The following MAP3K4 variants were observed in gnomAD, a reference collection of about 807,000 sequenced individuals.
MAP3K4 encodes mitogen-activated protein kinase kinase kinase 4, also known as MAP three kinase 1.
Under a neutral mutation model 185.6 loss-of-function variants are expected in MAP3K4, and 67 were observed. That is an observed-to-expected ratio of 0.36 (90% CI 0.30 to 0.44). MAP3K4 has a LOEUF of 0.44. Ranked by LOEUF, MAP3K4 falls within the 20% of genes least tolerant of loss-of-function variation. MAP3K4 has a pLI of 1.00. For missense variants in MAP3K4, 1,551 were observed against 1,995.1 expected (o/e 0.78, Z 4.24); for synonymous variants, 702 against 710.4 (o/e 0.99, Z 0.19).
Position 160,991,823 on chromosome 6 carries a change from G to T in MAP3K4, c.-109G>T, listed in dbSNP as rs922111073. 3 of 1,254,664 alleles carry T rather than the reference G, an allele frequency of 2.4e-6. No individual in the cohort carries two copies. Among genetic ancestry groups the T allele is most frequent in the Non-Finnish European group, 3.1e-6 (3 of 967,556 alleles). The allele number at this position is 1,254,664 out of a possible 1,614,324, so 77.7% of individuals were successfully genotyped here. On this transcript the variant is annotated 5_prime_UTR_variant, in exon 1 of 27. Transcript: ENST00000392142. The surrounding 1 kb of genome is among the most constrained non-coding windows in gnomAD (Gnocchi z 5.7). ...CGCGGCGCGCACGGCTCCTGCGGCG[G>T]GGTAGAGGCGGAGGCGGAGTCGAGT...
chr6:161,114,625 GT>G lies in MAP3K4; in HGVS notation c.4627-496del, dbSNP rs1194649325. The stretch of plus-strand genomic sequence containing the variant: ...GAAATTAGAATGCCATACACACTTA[GT>G]TCCTTCCCCTGTGAATCTCATTTTT... On this transcript the variant is annotated intron_variant, in intron 25 of 26. Coordinates refer to ENST00000392142, the MANE Select transcript of MAP3K4 (RefSeq NM_005922.4). The surrounding 1 kb of genome is among the most constrained non-coding windows in gnomAD (Gnocchi z 4.3). Among the ~76,000 whole-genome samples, 2 of 152,212 alleles carry G rather than the reference GT, an allele frequency of 1.3e-5. No homozygotes were observed. Among genetic ancestry groups the G allele is most frequent in the African/African-American group, 4.8e-5 (2 of 41,448 alleles).
At chr6:161,099,262 A>G (rs1777723147) in intron 17 of MAP3K4, among the ~76,000 whole-genome samples, 1 of 152,238 alleles carries the variant, frequency 6.6e-6, no homozygotes, top group African/African-American at 2.4e-5. Context: ...AGCCCCGAGG[A>G]GAAAATAGTA....
intron 1 of MAP3K4, among the ~76,000 whole-genome samples, chr6:161,015,495 C>A (rs561753767): frequency 3.9e-5 from 6 of 151,966 alleles, no homozygotes; most frequent in African/African-American, 1.5e-4. Flanking sequence ...ACCACCACCA[C>A]CAACAGAAGA....
rs1402766611 is a variant in MAP3K4, at chr6:161,097,214, G to C, written c.3524+38G>C. The C allele has an allele frequency of 1.3e-6, 2 of 1,554,168 alleles. No individual in the cohort carries two copies. The highest frequency in any genetic ancestry group is 1.7e-5 in the Admixed American group (1 of 59,798). Reference sequence around the variant, plus strand: ...TATCTAGTCATTTGCTTTACAGAGTGCCCTCCGATATGCATGCTCATACTT... The same window carrying C: ...TATCTAGTCATTTGCTTTACAGAGTCCCCTCCGATATGCATGCTCATACTT... On this transcript the variant is annotated intron_variant, in intron 16 of 26. Transcript: ENST00000392142. The surrounding 1 kb of genome is among the most constrained non-coding windows in gnomAD (Gnocchi z 4.9).
In MAP3K4 at chr6:161,101,019, G is replaced by GTA. The variant is rs1777818483; in HGVS notation, c.3675-870_3675-869dup. 1 of 152,040 alleles carries GTA rather than the reference G, an allele frequency of 6.6e-6. No homozygotes were observed. Among genetic ancestry groups the GTA allele is most frequent in the African/African-American group, 2.4e-5 (1 of 41,386 alleles). The allele number at this position is 152,040 out of a possible 1,614,324, so 9.4% of individuals were successfully genotyped here. Reference sequence around the variant, plus strand: ...ATCATGTTGCCTTCAACCTATCAATGTATAATAAGAGCATAAATGCTACCA... The same window carrying GTA: ...ATCATGTTGCCTTCAACCTATCAATGTATATAATAAGAGCATAAATGCTACCA... On this transcript the variant is annotated intron_variant, in intron 17 of 26. Coordinates refer to ENST00000392142, the MANE Select transcript of MAP3K4 (RefSeq NM_005922.4). This position sits in a 1 kb window ranked among gnomAD's most constrained non-coding sequence, Gnocchi z 5.1.
chr6:161,004,383 TACA>T (rs1156435326), intron 1 of MAP3K4, among the ~76,000 whole-genome samples: 29 of 152,218 alleles, frequency 1.9e-4, no homozygotes, highest in Admixed American at 7.2e-4. Flanking sequence ...CTGAAATATT[TACA>T]ACATTTTACC....
Position 161,088,400 on chromosome 6 carries a change from C to A in MAP3K4, c.2823+446C>A. Among the ~76,000 whole-genome samples the A allele has an allele frequency of 6.6e-6, 1 of 152,144 alleles. No homozygotes were observed. Among genetic ancestry groups the A allele is most frequent in the Non-Finnish European group, 1.5e-5 (1 of 68,034 alleles). The stretch of plus-strand genomic sequence containing the variant: ...GTTTCTATAACTCATTAGTTATAAA[C>A]TATGAGAAGCTTTCTCATTTATCTG... On this transcript the variant is annotated intron_variant, in intron 10 of 26. Coordinates refer to ENST00000392142, the MANE Select transcript of MAP3K4 (RefSeq NM_005922.4). This position sits in a 1 kb window ranked among gnomAD's most constrained non-coding sequence, Gnocchi z 4.5.
rs1340346021 is a variant in MAP3K4, at chr6:161,022,982, T to C, written c.153-11277T>C. ...CAAATTACAGAGCTGATTGAAAACA[T>C]AAACAAGTATAAATGTTTTATTCCC... On this transcript the variant is annotated intron_variant, in intron 1 of 26. Transcript: ENST00000392142. The surrounding 1 kb of genome is among the most constrained non-coding windows in gnomAD (Gnocchi z 4.2). Among the ~76,000 whole-genome samples, 3 of 152,194 alleles carry C rather than the reference T, an allele frequency of 2.0e-5. No individual in the cohort carries two copies. Among genetic ancestry groups the C allele is most frequent in the Non-Finnish European group, 4.4e-5 (3 of 68,024 alleles).
At position 161,080,844 on chromosome 6, in the gene MAP3K4, A is replaced by T; in HGVS notation, c.2098-37A>T. ...TGAGAGCGCTGAGTTGCCAAGTTCT[A>T]CTTTCAAATGTCTCCCTTTACTTTT... is the stretch of plus-strand genomic sequence containing the variant. On this transcript the variant is annotated intron_variant, in intron 5 of 26. Transcript: ENST00000392142. The surrounding 1 kb of genome is among the most constrained non-coding windows in gnomAD (Gnocchi z 4.8). 1 of 1,601,482 alleles carries T rather than the reference A, an allele frequency of 6.2e-7. No homozygotes were observed. Among genetic ancestry groups the T allele is most frequent in the Non-Finnish European group, 8.5e-7 (1 of 1,171,348 alleles).
intron 2 of MAP3K4, among the ~76,000 whole-genome samples, chr6:161,036,605 T>C (rs1168932583): frequency 6.6e-6 from 1 of 152,230 alleles, no homozygotes; most frequent in East Asian, 1.9e-4. Flanking sequence ...CCTGTACTTT[T>C]AATTTAAATG....
chr6:161,042,052 C>T (rs75661438), intron 2 of MAP3K4, among the ~76,000 whole-genome samples: 6 of 151,104 alleles, frequency 4.0e-5, no homozygotes, highest in African/African-American at 4.9e-5. Flanking sequence ...GTCACCACCA[C>T]AAGTTTCAGG....
In MAP3K4 at chr6:161,053,500, T is replaced by A. The variant is rs1404989386; in HGVS notation, c.1707+3521T>A. Reference sequence around the variant, plus strand: ...TGCAACTGTATTTTTATTTTTAAGATATCTTCTGCCTTTTAACCTCTGCCA... The same window carrying A: ...TGCAACTGTATTTTTATTTTTAAGAAATCTTCTGCCTTTTAACCTCTGCCA... On this transcript the variant is annotated intron_variant, in intron 3 of 26. Coordinates refer to ENST00000392142, the MANE Select transcript of MAP3K4 (RefSeq NM_005922.4). The surrounding 1 kb of genome is among the most constrained non-coding windows in gnomAD (Gnocchi z 4.2). 7.2e-5 allele frequency among the ~76,000 whole-genome samples: 11 copies of A among 152,260 alleles called. No homozygotes were observed.
Position 161,084,745 on chromosome 6 carries a change from A to C in MAP3K4, c.2372+128A>C. On this transcript the variant is annotated intron_variant, in intron 7 of 26. Transcript: ENST00000392142. This position sits in a 1 kb window ranked among gnomAD's most constrained non-coding sequence, Gnocchi z 4.6. ...CTGGAAGAATTTGGGCAGTAGATGT[A>C]AAGGGATTTATTTATAACTGCCTTG... 1 of 546,788 alleles carries C rather than the reference A, an allele frequency of 1.8e-6. No homozygotes were observed. The highest frequency in any genetic ancestry group is 2.7e-5 in the South Asian group (1 of 36,624). The allele number at this position is 546,788 out of a possible 1,614,324, so 33.9% of individuals were successfully genotyped here. A position where few individuals can be genotyped will look rare whatever the true frequency, so the allele number is the denominator to read the frequency against.
chr6:161,001,182 A>G (rs917850372), intron 1 of MAP3K4, among the ~76,000 whole-genome samples: 1 of 149,306 alleles, frequency 6.7e-6, no homozygotes, highest in Non-Finnish European at 1.5e-5. Context: ...ACACATATAT[A>G]AGAAATCCAA....
At position 160,996,428 on chromosome 6, in the gene MAP3K4, C is replaced by CAA. The variant is rs1231007017; in HGVS notation, c.152+4345_152+4346insAA. On this transcript the variant is annotated intron_variant, in intron 1 of 26. Coordinates refer to ENST00000392142, the MANE Select transcript of MAP3K4 (RefSeq NM_005922.4). The surrounding 1 kb of genome is among the most constrained non-coding windows in gnomAD (Gnocchi z 4.5). ...TCTTGTTCTGAGCTCTGCTGAAATA[C>CAA]GGGGATATAAAGGTCTTGCCTGCTC... 4.6e-5 allele frequency among the ~76,000 whole-genome samples: 7 copies of CAA among 152,048 alleles called. No individual in the cohort carries two copies. Among genetic ancestry groups the CAA allele is most frequent in the Admixed American group, 1.3e-4 (2 of 15,272 alleles).
At chr6:161,092,201 C>T in intron 13 of MAP3K4, 58 bp downstream of exon 13, 1 of 1,587,168 alleles carries the variant, frequency 6.3e-7, no homozygotes, top group Non-Finnish European at 8.6e-7. Flanking sequence ...GGTATTTGTT[C>T]ATATATGTTC....
Position 161,098,959 on chromosome 6 carries a change from C to G in MAP3K4, c.3674+532C>G, listed in dbSNP as rs1209456405. 6.6e-6 allele frequency among the ~76,000 whole-genome samples: 1 copy of G among 152,198 alleles called. No individual in the cohort carries two copies. The highest frequency in any genetic ancestry group is 6.5e-5 in the Admixed American group (1 of 15,282). On this transcript the variant is annotated intron_variant, in intron 17 of 26. Transcript: ENST00000392142. This position sits in a 1 kb window ranked among gnomAD's most constrained non-coding sequence, Gnocchi z 4.4. ...ACAGATCAGTACTTGAGAGAACTCT[C>G]AGACAACTTGGCAAGCCCCAGAACA...
chr6:161,096,415 G>A lies in MAP3K4; in HGVS notation c.3428-665G>A, dbSNP rs568910060. ...TTACGGAGAGTAGGCAAAATATGAC[G>A]CATGTCCACTAATACTGACATCTAG... On this transcript the variant is annotated intron_variant, in intron 15 of 26. Transcript: ENST00000392142. This position sits in a 1 kb window ranked among gnomAD's most constrained non-coding sequence, Gnocchi z 4.9. 2.0e-5 allele frequency among the ~76,000 whole-genome samples: 3 copies of A among 152,092 alleles called. No homozygotes were observed. Among genetic ancestry groups the A allele is most frequent in the Non-Finnish European group, 2.9e-5 (2 of 67,974 alleles).
In MAP3K4 at chr6:161,053,342, A is replaced by T. The variant is rs906901860; in HGVS notation, c.1707+3363A>T. 6.6e-6 allele frequency among the ~76,000 whole-genome samples: 1 copy of T among 152,184 alleles called. No individual in the cohort carries two copies. The highest frequency in any genetic ancestry group is 2.4e-5 in the African/African-American group (1 of 41,436). On this transcript the variant is annotated intron_variant, in intron 3 of 26. Coordinates refer to ENST00000392142, the MANE Select transcript of MAP3K4 (RefSeq NM_005922.4). This position sits in a 1 kb window ranked among gnomAD's most constrained non-coding sequence, Gnocchi z 4.2. The stretch of plus-strand genomic sequence containing the variant: ...CCAGGCCCCACCCCCAACATTGGGG[A>T]TTACTATTCAACATAGGGTGGGGAC...
Sources: allele counts gnomAD v4.1 joint callset (sites outside exome capture counted in the v4.1 genomes callset), GRCh38; gene constraint gnomAD v4.1.1; non-coding constraint Gnocchi (gnomAD v3.1); transcripts MANE v1.5; gene names NCBI Gene and HGNC (gene_info 2026-07-23, HGNC 2026-07-21).